Variants in CLIP1 observed in about 807,000 individuals in gnomAD.
CLIP1 encodes the protein CAP-Gly domain-containing linker protein 1.
CLIP1 carries 66 observed loss-of-function variants against 161.6 expected under a neutral mutation model. The observed-to-expected ratio is 0.41, with a 90% CI of 0.33 to 0.50. The LOEUF (loss-of-function observed/expected upper bound fraction) is 0.50, where lower values mean the gene tolerates loss of function less well. CLIP1 is among the 20% of genes least tolerant of loss of function. The probability of loss-of-function intolerance (pLI) is 0.27; values close to 1 mark genes in which losing one functional copy is unlikely to be tolerated. For missense variants in CLIP1, 1,376 were observed against 1,702.0 expected, an observed-to-expected ratio of 0.81 and a Z score of 3.37; for synonymous variants, 598 against 626.2, an observed-to-expected ratio of 0.96 and a Z score of 0.67.
In CLIP1 at chr12:122,281,773, T is replaced by TAA. The variant is rs61004152; in HGVS notation, c.3648-2630_3648-2629dup. On this transcript the variant is annotated intron_variant, in intron 21 of 25. Transcript: ENST00000620786. ...AAATGCATTTAGTAGTTGATTCTGT[T>TAA]AAAAAAAAAATGATTTCCAGAGCTT... is the stretch of plus-strand genomic sequence containing the variant. 9.6e-4 allele frequency among the ~76,000 whole-genome samples: 121 copies of TAA among 126,404 alleles called. 1 individual carries two copies. The highest frequency in any genetic ancestry group is 3.7e-3 in the African/African-American group (116 of 30,970). 82.9% of individuals were successfully genotyped at this position (126,404 alleles called of 152,430 possible).
intron 15 of CLIP1, 141 bp downstream of exon 15, chr12:122,332,846 C>T (rs968395443): frequency 3.2e-6 from 2 of 625,030 alleles, no homozygotes; most frequent in Non-Finnish European, 5.4e-6. Flanking sequence ...GATTCAAGGA[C>T]ACAATGAGGT....
chr12:122,336,787 A>C, intron 11 of CLIP1, 39 bp from the exon 12 acceptor site: 1 of 891,122 alleles, frequency 1.1e-6, no homozygotes, highest in Non-Finnish European at 1.7e-6. Flanking sequence ...GCAAATGAAC[A>C]AAAGGAAAAC....
intron 3 of CLIP1, among the ~76,000 whole-genome samples, chr12:122,366,479 C>A (rs1954177229): frequency 1.3e-5 from 2 of 152,164 alleles, no homozygotes; most frequent in South Asian, 2.1e-4. Context: ...GAAACTGTTT[C>A]AAAAAATAAT....
intron 20 of CLIP1, among the ~76,000 whole-genome samples, chr12:122,304,861 C>A (rs1486436678): frequency 6.6e-6 from 1 of 152,200 alleles, no homozygotes; most frequent in Non-Finnish European, 1.5e-5. Context: ...TGATAACCAC[C>A]ATTTTTCCAA....
chr12:122,309,955 C>T (rs540533506), intron 19 of CLIP1, 73 bp from the exon 20 acceptor site: 1 of 1,561,950 alleles, frequency 6.4e-7, no homozygotes, highest in South Asian at 1.1e-5. Context: ...CAACCAGCTT[C>T]ACAGCACTGA....
At chr12:122,417,010 T>G (rs1156307458) in intron 1 of CLIP1, among the ~76,000 whole-genome samples, 1 of 149,012 alleles carries the variant, frequency 6.7e-6, no homozygotes, top group East Asian at 2.0e-4. Flanking sequence ...AAAAAAAAAT[T>G]TGCTGGGCCA....
chr12:122,313,337 C>G (rs1951133551), intron 19 of CLIP1, among the ~76,000 whole-genome samples: 2 of 152,176 alleles, frequency 1.3e-5, no homozygotes, highest in African/African-American at 4.8e-5. Flanking sequence ...CAGCTCAGCA[C>G]AGGCTGGGGT....
In CLIP1 at chr12:122,312,689, G is replaced by A. The variant is rs373582699; in HGVS notation, c.3474-2807C>T. ...TGGGGTGGCATGATGAATTAAACCCGGGAGGTGGTGGCTGCAGTGAGCTGA... is the reference window on the plus strand; with the variant it reads ...TGGGGTGGCATGATGAATTAAACCCAGGAGGTGGTGGCTGCAGTGAGCTGA... On this transcript the variant is annotated intron_variant, in intron 19 of 25. Transcript: ENST00000620786. Among the ~76,000 whole-genome samples, 89 of 152,218 alleles carry A rather than the reference G, an allele frequency of 5.8e-4. 1 individual carries two copies. In the South Asian group the frequency reaches 0.015, roughly 26 times the overall value.
intron 20 of CLIP1, among the ~76,000 whole-genome samples, chr12:122,291,393 TTGGCCAGGC>T (rs1457333200): frequency 6.6e-6 from 1 of 151,952 alleles, no homozygotes. Flanking sequence ...TTTCATCATG[TTGGCCAGGC>T]TGGTCTCGAA....
At chr12:122,333,200 C>T in intron 14 of CLIP1, 57 bp from the exon 15 acceptor site, 1 of 1,290,752 alleles carries the variant, frequency 7.7e-7, no homozygotes, top group Non-Finnish European at 1.1e-6. Flanking sequence ...CAAAAACTGA[C>T]TGAGTGTATT....
At chr12:122,389,079 G>A (rs1033511230) in intron 1 of CLIP1, among the ~76,000 whole-genome samples, 3 of 152,160 alleles carry the variant, frequency 2.0e-5, no homozygotes, top group Non-Finnish European at 4.4e-5. Context: ...TTCAGGTGCT[G>A]AAACTTGGCT....
chr12:122,419,471 G>A (rs527264654), intron 1 of CLIP1, among the ~76,000 whole-genome samples: 2 of 152,170 alleles, frequency 1.3e-5, no homozygotes, highest in Admixed American at 1.3e-4. Context: ...CCCTGGCCTT[G>A]ATATATCTAT....
intron 5 of CLIP1, among the ~76,000 whole-genome samples, chr12:122,356,928 G>C (rs191032460): frequency 3.3e-4 from 50 of 152,350 alleles, no homozygotes; most frequent in African/African-American, 1.2e-3. Context: ...ACGGAGTCTG[G>C]TTCACTCAGT....
At chr12:122,421,577 A>C (rs1375592498) in intron 1 of CLIP1, among the ~76,000 whole-genome samples, 1 of 152,186 alleles carries the variant, frequency 6.6e-6, no homozygotes, top group East Asian at 1.9e-4. Flanking sequence ...CTTTGTTTTA[A>C]AAAACAGTTC....
chr12:122,378,781 G>C (rs1002582638), intron 2 of CLIP1, among the ~76,000 whole-genome samples: 18 of 152,074 alleles, frequency 1.2e-4, no homozygotes, highest in African/African-American at 4.3e-4. Context: ...GATCATTTGA[G>C]GTCTGGAGTT....
At chr12:122,408,664 G>T (rs1032476424) in intron 1 of CLIP1, among the ~76,000 whole-genome samples, 1 of 151,438 alleles carries the variant, frequency 6.6e-6, no homozygotes, top group African/African-American at 2.4e-5. Flanking sequence ...GTTTTTAAGA[G>T]ACTATGTTGC....
chr12:122,412,492 T>A (rs1956579153), intron 1 of CLIP1, among the ~76,000 whole-genome samples: 1 of 151,956 alleles, frequency 6.6e-6, no homozygotes, highest in African/African-American at 2.4e-5. Flanking sequence ...CCGTCTCTAC[T>A]AAAAATACAA....
At chr12:122,319,138 C>G in intron 18 of CLIP1, 94 bp downstream of exon 18, 1 of 849,922 alleles carries the variant, frequency 1.2e-6, no homozygotes, top group Middle Eastern at 2.7e-4. Context: ...AAGTCACACA[C>G]TTCAAAAACA....
At chr12:122,406,263 T>C (rs1158543209) in intron 1 of CLIP1, among the ~76,000 whole-genome samples, 4 of 152,138 alleles carry the variant, frequency 2.6e-5, no homozygotes, top group African/African-American at 7.2e-5. Flanking sequence ...CTAGGAAACA[T>C]GGCGAAACCC....
Sources: allele counts gnomAD v4.1 joint callset (sites outside exome capture counted in the v4.1 genomes callset), GRCh38; gene constraint gnomAD v4.1.1; transcripts MANE v1.5; gene names NCBI Gene and HGNC (gene_info 2026-07-23, HGNC 2026-07-21).